Variants in TJP1 observed in about 807,000 individuals in gnomAD.
TJP1 encodes the protein tight junction protein ZO-1.
In TJP1, 43 loss-of-function variants were observed where a neutral mutation model predicts 194.2. That is an observed-to-expected ratio of 0.22 (90% CI 0.17 to 0.29). TJP1 has a LOEUF of 0.29. Among genes scored for constraint, TJP1 ranks in the 10% least tolerant of loss-of-function variants. The pLI is 1.00. For synonymous variants in TJP1, 801 were observed against 779.0 expected (o/e 1.03, Z -0.47); for missense variants, 1,971 against 2,185.7 (o/e 0.90, Z 1.96).
rs533383462 is a variant in TJP1 at position 29,731,704 on chromosome 15, T to C, written c.2017+729A>G. On this transcript the variant is annotated intron_variant, in intron 15 of 27. Transcript: ENST00000614355. ...TCCATTGAAGAAGGGAGTTTGAAAGTTGTTGTATACTGTTAACGATTGTCT... is the reference window on the plus strand; with the variant it reads ...TCCATTGAAGAAGGGAGTTTGAAAGCTGTTGTATACTGTTAACGATTGTCT... 2.2e-4 allele frequency among the ~76,000 whole-genome samples: 34 copies of C among 152,206 alleles called. No individual in the cohort carries two copies. The South Asian group carries it at 6.6e-3, about 30-fold the overall frequency.
At chr15:29,719,734 T>G (rs2042811568) in intron 20 of TJP1, 43 bp downstream of exon 20, 1 of 1,582,776 alleles carries the variant, frequency 6.3e-7, no homozygotes, top group Non-Finnish European at 8.6e-7. Context: ...TGTGCCAGAT[T>G]GATGGACAGC....
At chr15:29,722,880 T>C (rs542967042) in intron 18 of TJP1, among the ~76,000 whole-genome samples, 63 of 152,204 alleles carry the variant, frequency 4.1e-4, no homozygotes, top group Admixed American at 9.2e-4. Flanking sequence ...ACGGAGATTA[T>C]TTTGGAGCTT....
intron 11 of TJP1, 41 bp from the exon 12 acceptor site, chr15:29,734,423 G>T: frequency 6.9e-7 from 1 of 1,456,414 alleles, no homozygotes; most frequent in Non-Finnish European, 9.5e-7. Context: ...GGCTGTTTAA[G>T]AATATGAAAA....
At chr15:29,887,661 T>C (rs1479283121) in intron 2 of TJP1, among the ~76,000 whole-genome samples, 1 of 152,158 alleles carries the variant, frequency 6.6e-6, no homozygotes. Flanking sequence ...TAAAAAATAA[T>C]AGAAGAATCT....
At chr15:29,804,684 A>G (rs1028344174) in intron 1 of TJP1, among the ~76,000 whole-genome samples, 1 of 152,172 alleles carries the variant, frequency 6.6e-6, no homozygotes, top group Admixed American at 6.5e-5. Context: ...CTTATTGTAA[A>G]CTTGCTTGTC....
In TJP1 at chr15:29,822,175, G is replaced by T. The variant is rs752121070; in HGVS notation, c.-147C>A. The T allele has an allele frequency of 8.5e-7, 1 of 1,180,084 alleles. No individual in the cohort carries two copies. Among genetic ancestry groups the T allele is most frequent in the South Asian group, 4.3e-5 (1 of 23,090 alleles). The allele number at this position is 1,180,084 out of a possible 1,614,324, so 73.1% of individuals were successfully genotyped here. A position where few individuals can be genotyped will look rare whatever the true frequency, so the allele number is the denominator to read the frequency against. ...GGGCGGCCGGAAGGGCCCGGCCCAG[G>T]GGGAGGGAATTCAACTCGGACAAAA... On this transcript the variant is annotated 5_prime_UTR_variant, in exon 1 of 28. Transcript: ENST00000614355.
chr15:29,739,816 G>GA (rs1363453877), intron 10 of TJP1, among the ~76,000 whole-genome samples: 2 of 152,000 alleles, frequency 1.3e-5, no homozygotes, highest in African/African-American at 4.8e-5. Context: ...CAATTCCCAA[G>GA]AAAGGAAAAG....
chr15:29,844,215 C>A (rs181480083), intron 2 of TJP1, among the ~76,000 whole-genome samples: 13 of 152,282 alleles, frequency 8.5e-5, no homozygotes, highest in African/African-American at 3.1e-4. Flanking sequence ...GGACTACAGG[C>A]ATGCATCACC....
intron 8 of TJP1, among the ~76,000 whole-genome samples, chr15:29,747,137 T>C (rs567370204): frequency 2.6e-5 from 4 of 151,988 alleles, no homozygotes; most frequent in South Asian, 2.1e-4. Flanking sequence ...AAACAAAAAT[T>C]AGTTGGGTGT....
At chr15:29,726,502 G>A in intron 17 of TJP1, 23 bp from the exon 18 acceptor site, 1 of 1,607,664 alleles carries the variant, frequency 6.2e-7, no homozygotes, top group Admixed American at 1.7e-5. Flanking sequence ...TAACGATGTA[G>A]TTTTATGGTT....
At chr15:29,760,140 T>TTCA (rs1189515619) in intron 8 of TJP1, 1 of 689,302 alleles carries the variant, frequency 1.5e-6, no homozygotes, top group Non-Finnish European at 2.6e-6. Flanking sequence ...GGACTCATGT[T>TTCA]TCAAGTGATC....
intron 2 of TJP1, among the ~76,000 whole-genome samples, chr15:29,927,004 C>T (rs1158597901): frequency 1.3e-5 from 2 of 152,070 alleles, no homozygotes; most frequent in East Asian, 3.8e-4. Context: ...ACAATGAGTA[C>T]ATTTGAAATT....
intron 2 of TJP1, among the ~76,000 whole-genome samples, chr15:29,884,207 A>T (rs2053035569): frequency 6.6e-6 from 1 of 152,218 alleles, no homozygotes; most frequent in Non-Finnish European, 1.5e-5. Context: ...AACTAAACAG[A>T]TGTCTCATGT....
At chr15:29,853,008 C>T (rs2051704585) in intron 2 of TJP1, among the ~76,000 whole-genome samples, 2 of 152,020 alleles carry the variant, frequency 1.3e-5, no homozygotes, top group African/African-American at 4.8e-5. Context: ...CCCAGATGTT[C>T]TTCAATAAGT....
intron 16 of TJP1, among the ~76,000 whole-genome samples, 172 bp from the exon 17 acceptor site, chr15:29,727,163 G>C (rs1383976235): frequency 6.6e-6 from 1 of 152,116 alleles, no homozygotes; most frequent in African/African-American, 2.4e-5. Context: ...GGCCAGTATG[G>C]AGAAACTCTA....
At chr15:29,946,268 T>C (rs2055278965) in intron 2 of TJP1, among the ~76,000 whole-genome samples, 2 of 152,222 alleles carry the variant, frequency 1.3e-5, no homozygotes, top group Admixed American at 6.5e-5. Flanking sequence ...ATGAAAGGAA[T>C]ATGAAATCAC....
At chr15:29,768,944 T>C (rs900842871) in intron 4 of TJP1, among the ~76,000 whole-genome samples, 1 of 152,072 alleles carries the variant, frequency 6.6e-6, no homozygotes, top group Non-Finnish European at 1.5e-5. Context: ...CAGAGAGGCT[T>C]TTGCAATTAA....
chr15:29,705,064 C>T (rs1012862493), intron 26 of TJP1, among the ~76,000 whole-genome samples: 2 of 152,206 alleles, frequency 1.3e-5, no homozygotes, highest in African/African-American at 4.8e-5. Flanking sequence ...CTCTGAGACT[C>T]CTTCATGCAC....
chr15:29,704,915 C>A (rs549996794), intron 26 of TJP1, among the ~76,000 whole-genome samples: 1 of 152,106 alleles, frequency 6.6e-6, no homozygotes, highest in African/African-American at 2.4e-5. Flanking sequence ...TACAAAAAAG[C>A]GAACTAAATT....
Sources: gnomAD v4.1 joint callset for allele counts (sites outside exome capture counted in the v4.1 genomes callset) on GRCh38, gnomAD v4.1.1 for gene constraint, MANE v1.5 for transcripts, NCBI Gene and HGNC (gene_info 2026-07-23, HGNC 2026-07-21) for gene names.